XPO1: variants seen among roughly 807,000 people sequenced by gnomAD.
XPO1 encodes the protein exportin-1.
In XPO1, 5 loss-of-function variants were observed where a neutral mutation model predicts 133.3. The observed-to-expected ratio is 0.04, with a 90% CI of 0.02 to 0.08. The LOEUF is 0.08. Ranked by LOEUF, XPO1 falls within the 10% of genes least tolerant of loss-of-function variation. The pLI, the probability that XPO1 is intolerant of heterozygous loss-of-function variation, is 1.00. For synonymous variants in XPO1, 419 were observed against 408.2 expected, an observed-to-expected ratio of 1.03 and a Z score of -0.32; for missense variants, 506 against 1,267.5, an observed-to-expected ratio of 0.40 and a Z score of 9.12.
At chr2:61,483,184 C>T in intron 21 of XPO1, 93 bp from the exon 22 acceptor site, 2 of 1,400,132 alleles carry the variant, frequency 1.4e-6, no homozygotes, top group Non-Finnish European at 1.9e-6. Context: ...GAATCTAACC[C>T]TGTTCTCCCT....
At chr2:61,515,451 G>T (rs537114977) in intron 4 of XPO1, among the ~76,000 whole-genome samples, 3 of 152,178 alleles carry the variant, frequency 2.0e-5, no homozygotes, top group Non-Finnish European at 2.9e-5. Flanking sequence ...ACTTAGGAAG[G>T]TATTTCAGAA....
rs759116625 is a variant in XPO1, at chr2:61,485,825, A to T, written c.2451T>A (p.Ala817=). Residue 817 remains alanine (A), a synonymous_variant, in exon 20 of 25, where the codon GCT becomes GCA. Coordinates refer to ENST00000401558, the MANE Select transcript of XPO1 (RefSeq NM_003400.4). ...IVNKLGGHIT[A]EIPQIFDAVF... Reference sequence around the variant, plus strand: ...CAGCATCAAATATTTGAGGTATTTCAGCTGTTATATGTCCCCCTAACTTGT... The same window carrying T: ...CAGCATCAAATATTTGAGGTATTTCTGCTGTTATATGTCCCCCTAACTTGT... 1.9e-6 allele frequency: 3 copies of T among 1,613,788 alleles called. No individual in the cohort carries two copies. In the African/African-American group the frequency reaches 4.0e-5, roughly 22 times the overall value.
In XPO1 at chr2:61,481,326, C is replaced by T. The variant is rs758570320; in HGVS notation, c.2973-45G>A. On this transcript the variant is annotated intron_variant, in intron 23 of 24. Transcript: ENST00000401558. ...GATTAAATAATGATTTATTTTTCCC[C>T]CGAGACAGAGTATTGCTCTGTCACC... 7 of 1,486,092 alleles carry T rather than the reference C, an allele frequency of 4.7e-6. No homozygotes were observed. In the South Asian group the frequency reaches 8.5e-5, roughly 18 times the overall value. The allele number at this position is 1,486,092 out of a possible 1,614,324, so 92.1% of individuals were successfully genotyped here.
chr2:61,488,343 A>C (rs1696795082), intron 18 of XPO1, 72 bp from the exon 19 acceptor site: 1 of 1,396,204 alleles, frequency 7.2e-7, no homozygotes, highest in Admixed American at 2.1e-5. Flanking sequence ...TGTACATTAG[A>C]TGCAATTCCA....
chr2:61,481,392 T>C, intron 23 of XPO1, 111 bp from the exon 24 acceptor site: 1 of 565,756 alleles, frequency 1.8e-6, no homozygotes, highest in South Asian at 4.8e-5. Context: ...CACTGTAATC[T>C]CTGCCTCCCG....
At chr2:61,502,456 TA>T in intron 4 of XPO1, 146 bp from the exon 5 acceptor site, 1 of 811,206 alleles carries the variant, frequency 1.2e-6, no homozygotes, top group Non-Finnish European at 1.9e-6. Context: ...ATTGGCATTT[TA>T]AAAAAATTCC....
At chr2:61,533,974 T>C (rs1699263904) in intron 1 of XPO1, 71 bp from the exon 2 acceptor site, 29 of 1,308,582 alleles carry the variant, frequency 2.2e-5, no homozygotes, top group African/African-American at 3.0e-5. Context: ...CTACAAGTTA[T>C]TTTACTTCAA....
At chr2:61,495,885 G>C (rs1697218494) in intron 10 of XPO1, among the ~76,000 whole-genome samples, 1 of 152,028 alleles carries the variant, frequency 6.6e-6, no homozygotes, top group African/African-American at 2.4e-5. Flanking sequence ...GTCCAGGCTG[G>C]TCTCAAACTC....
At chr2:61,525,520 A>G in intron 3 of XPO1, 1 of 1,011,164 alleles carries the variant, frequency 9.9e-7, no homozygotes, top group Non-Finnish European at 1.2e-6. Flanking sequence ...TCCTCTAATC[A>G]TCTCATTTTT....
At chr2:61,489,640 T>C (rs1345872104) in intron 17 of XPO1, among the ~76,000 whole-genome samples, 2 of 150,312 alleles carry the variant, frequency 1.3e-5, no homozygotes, top group African/African-American at 2.4e-5. Context: ...CTGCAAGCTC[T>C]GCCTCCCAGG....
intron 20 of XPO1, 81 bp from the exon 21 acceptor site, chr2:61,484,186 C>A: frequency 7.9e-7 from 1 of 1,270,538 alleles, no homozygotes; most frequent in East Asian, 2.4e-5. Context: ...AGGCTTAATC[C>A]AGTATAAATA....
chr2:61,486,948 A>T (rs2104366023), intron 19 of XPO1, among the ~76,000 whole-genome samples: 1 of 152,016 alleles, frequency 6.6e-6, no homozygotes, highest in Non-Finnish European at 1.5e-5. Flanking sequence ...TCATGATTCT[A>T]AGTAAACTGA....
rs775102723 is a variant in XPO1, at chr2:61,490,628, G to T, written c.2022+14C>A. 67 of 1,613,580 alleles carry T rather than the reference G, an allele frequency of 4.2e-5. No individual in the cohort carries two copies. Among genetic ancestry groups the T allele is most frequent in the Non-Finnish European group, 5.5e-5 (65 of 1,179,938 alleles). ...ATCCCATGAAAACTTTTAAGAAAAG[G>T]TAGAAATACTTACTTTGGTTGCCTG... is the stretch of plus-strand genomic sequence containing the variant. On this transcript the variant is annotated intron_variant, in intron 17 of 24. Coordinates refer to ENST00000401558, the MANE Select transcript of XPO1 (RefSeq NM_003400.4).
intron 19 of XPO1, 85 bp downstream of exon 19, chr2:61,488,080 G>T: frequency 1.6e-6 from 2 of 1,213,596 alleles, no homozygotes; most frequent in South Asian, 1.3e-5. Context: ...CTTTAAATTA[G>T]CAAAATGCAC....
chr2:61,520,234 T>C (rs2104726473), intron 4 of XPO1, among the ~76,000 whole-genome samples: 2 of 152,342 alleles, frequency 1.3e-5, no homozygotes, highest in Non-Finnish European at 2.9e-5. Context: ...TAAATTAATT[T>C]ATGTAATTTC....
chr2:61,512,392 T>C (rs1193283673), intron 4 of XPO1, among the ~76,000 whole-genome samples: 1 of 152,182 alleles, frequency 6.6e-6, no homozygotes, highest in Non-Finnish European at 1.5e-5. Context: ...GTCAACGAAC[T>C]ATGAAAAGAC....
At chr2:61,479,317 G>C (rs935527099) in intron 24 of XPO1, among the ~76,000 whole-genome samples, 2 of 151,980 alleles carry the variant, frequency 1.3e-5, no homozygotes, top group Admixed American at 6.6e-5. Flanking sequence ...ATGCATGGTG[G>C]CACAGGCGCC....
At chr2:61,483,359 CTTGTGGGGAA>C in intron 21 of XPO1, 1 of 332,080 alleles carries the variant, frequency 3.0e-6, no homozygotes, top group Non-Finnish European at 5.5e-6. Context: ...ACTTTGGGGA[CTTGTGGGGAA>C]GGGCAGGAGT....
chr2:61,498,925 A>AC lies in XPO1; in HGVS notation c.591-13_591-12insG, dbSNP rs763318977. On this transcript the variant is annotated splice_polypyrimidine_tract_variant and intron_variant, in intron 7 of 24. Coordinates refer to ENST00000401558, the MANE Select transcript of XPO1 (RefSeq NM_003400.4). The stretch of plus-strand genomic sequence containing the variant: ...ATTCATTGCACATGCTAAAAAAAAA[A>AC]ACACACAAAAATATCAGATTTAGAA... 7.2e-5 allele frequency: 113 copies of AC among 1,572,262 alleles called. No individual in the cohort carries two copies. In the East Asian group the frequency reaches 1.3e-3, roughly 19 times the overall value.
Sources: gnomAD v4.1 joint callset for allele counts (sites outside exome capture counted in the v4.1 genomes callset) on GRCh38, gnomAD v4.1.1 for gene constraint, MANE v1.5 for transcripts, NCBI Gene and HGNC (gene_info 2026-07-23, HGNC 2026-07-21) for gene names.